The following TMEM68 variants were observed in gnomAD, a reference collection of about 807,000 sequenced individuals.
TMEM68 encodes transmembrane protein 68.
Under a neutral mutation model 36.9 loss-of-function variants are expected in TMEM68, and 25 were observed. The observed-to-expected ratio is 0.68, with a 90% CI of 0.49 to 0.95. The LOEUF is 0.95. TMEM68 is among the 40% of genes least tolerant of loss of function. The probability of loss-of-function intolerance (pLI) is 0.00; values close to 1 mark genes in which losing one functional copy is unlikely to be tolerated. For missense variants in TMEM68, 333 were observed against 392.0 expected (o/e 0.85, Z 1.27); for synonymous variants, 131 against 124.4 (o/e 1.05, Z -0.35).
At chr8:55,770,118 T>C (rs1189625101) in intron 1 of TMEM68, among the ~76,000 whole-genome samples, 1 of 152,160 alleles carries the variant, frequency 6.6e-6, no homozygotes, top group African/African-American at 2.4e-5. Flanking sequence ...ACAAAAAAAG[T>C]AAACACAGAA....
intron 7 of TMEM68, 99 bp downstream of exon 7, chr8:55,743,382 G>A (rs2129906499): frequency 2.2e-6 from 3 of 1,391,382 alleles, no homozygotes; most frequent in East Asian, 2.5e-5. Flanking sequence ...CACTGACCTA[G>A]ACATGCTTGT....
At position 55,763,090 on chromosome 8, in the gene TMEM68, C is replaced by G. The variant is rs1244522888; in HGVS notation, c.-69-62G>C. The G allele has an allele frequency of 8.1e-6, 8 of 991,480 alleles. No individual in the cohort carries two copies. The African/African-American group carries it at 1.3e-4, about 16-fold the overall frequency. The allele number at this position is 991,480 out of a possible 1,614,324, so 61.4% of individuals were successfully genotyped here. On this transcript the variant is annotated intron_variant, in intron 2 of 7. Transcript: ENST00000434581. The stretch of plus-strand genomic sequence containing the variant: ...CAGCTATAAAGTTAAATGTTTTACT[C>G]TACTTAAATAGCATATAGAGTCATT...
intron 5 of TMEM68, 46 bp from the exon 6 acceptor site, chr8:55,745,167 A>G: frequency 7.6e-7 from 1 of 1,308,032 alleles, no homozygotes; most frequent in Non-Finnish European, 1.0e-6. Flanking sequence ...AAATTAATCC[A>G]TTCAATGTCT....
chr8:55,763,015 C>G lies in TMEM68; in HGVS notation c.-56G>C, dbSNP rs1810848643. The G allele has an allele frequency of 6.6e-7, 1 of 1,516,460 alleles. No homozygotes were observed. Among genetic ancestry groups the G allele is most frequent in the Non-Finnish European group, 8.8e-7 (1 of 1,136,420 alleles). The allele number at this position is 1,516,460 out of a possible 1,614,324, so 93.9% of individuals were successfully genotyped here. A position where few individuals can be genotyped will look rare whatever the true frequency, so the allele number is the denominator to read the frequency against. ...TTCTTTCTTCATTGCCATAGCAGGT[C>G]GCTAATTTTGACACTAGAAGGGAAA... On this transcript the variant is annotated 5_prime_UTR_variant, in exon 3 of 8. Transcript: ENST00000434581.
At chr8:55,770,650 C>T (rs1234799541) in intron 1 of TMEM68, among the ~76,000 whole-genome samples, 1 of 151,804 alleles carries the variant, frequency 6.6e-6, no homozygotes, top group Non-Finnish European at 1.5e-5. Context: ...ATACTCCAGC[C>T]TGGGCAACTG....
intron 1 of TMEM68, among the ~76,000 whole-genome samples, chr8:55,766,598 G>A (rs1333256264): frequency 2.0e-5 from 3 of 151,908 alleles, no homozygotes; most frequent in Admixed American, 6.6e-5. Context: ...GGATGGTCTC[G>A]ATCTCCTGAA....
At position 55,751,031 on chromosome 8, in the gene TMEM68, T is replaced by C. The variant is rs1464783899; in HGVS notation, c.620A>G (p.Asp207Gly). ...ACCCCATACGATGTTATAAGTTTCA[T>C]CACTAATTAGGGCTTCTCGAACTCC... ...PGGVREALISDETYNIVWGHR... is the reference protein window; with the variant it reads ...PGGVREALISGETYNIVWGHR... Residue 207 changes from aspartate to glycine, a missense_variant, in exon 5 of 8, where the codon GAT becomes GGT. Transcript: ENST00000434581. The C allele has an allele frequency of 6.2e-7, 1 of 1,614,022 alleles. No individual in the cohort carries two copies. Among genetic ancestry groups the C allele is most frequent in the Middle Eastern group, 1.6e-4 (1 of 6,062 alleles).
chr8:55,755,042 T>C (rs1810561626), intron 4 of TMEM68, among the ~76,000 whole-genome samples: 2 of 149,158 alleles, frequency 1.3e-5, no homozygotes, highest in Non-Finnish European at 3.0e-5. Context: ...CTCGCACTTG[T>C]AATCCCAAAA....
Position 55,751,170 on chromosome 8 carries a change from T to C in TMEM68, c.494-13A>G, listed in dbSNP as rs1810418944. The C allele has an allele frequency of 1.3e-6, 2 of 1,579,478 alleles. No individual in the cohort carries two copies. The highest frequency in any genetic ancestry group is 1.4e-5 in the African/African-American group (1 of 72,922). ...AATAAACTAAACCCTGTAAGAAACA[T>C]GAGTATGAAGTTACAACATAAGTAT... On this transcript the variant is annotated splice_polypyrimidine_tract_variant and intron_variant, in intron 4 of 7. Coordinates refer to ENST00000434581, the MANE Select transcript of TMEM68 (RefSeq NM_001286657.2).
Position 55,740,236 on chromosome 8 carries a change from GA to G in TMEM68, c.889-19del, listed in dbSNP as rs753452074. On this transcript the variant is annotated intron_variant, in intron 7 of 7. Transcript: ENST00000434581. Reference sequence around the variant, plus strand: ...TTCTTCGTCTATTAAGAAAACAAAAGAAAAGCTATTGTTAGTAGATCTTAAT... The same window carrying G: ...TTCTTCGTCTATTAAGAAAACAAAAGAAAGCTATTGTTAGTAGATCTTAAT... The G allele has an allele frequency of 6.3e-7, 1 of 1,594,508 alleles. No homozygotes were observed. The highest frequency in any genetic ancestry group is 8.6e-7 in the Non-Finnish European group (1 of 1,165,024).
intron 3 of TMEM68, chr8:55,762,208 G>A: frequency 6.2e-6 from 1 of 160,130 alleles, no homozygotes; most frequent in Non-Finnish European, 1.4e-5. Flanking sequence ...CATAAATTTT[G>A]GTATGCAAAT....
At position 55,743,590 on chromosome 8, in the gene TMEM68, C is replaced by T. The variant is rs528058145; in HGVS notation, c.779G>A (p.Arg260His). The change falls in exon 7 of 8, where the codon CGC (arginine) becomes CAC (histidine). Residue 260 changes from arginine (R) to histidine (H), a missense_variant. Coordinates refer to ENST00000434581, the MANE Select transcript of TMEM68 (RefSeq NM_001286657.2). ...TCCATACATTGGAGCAAATGGATAG[C>T]GGAATTTTTCATAAAGCCACCTAAA... ...RLFRWLYEKF[R>H]YPFAPMYGGF... 1.2e-5 allele frequency: 18 copies of T among 1,535,008 alleles called. No individual in the cohort carries two copies. In the Admixed American group the frequency reaches 1.2e-4, roughly 10 times the overall value.
intron 4 of TMEM68, among the ~76,000 whole-genome samples, chr8:55,752,619 C>A (rs1227716125): frequency 6.6e-6 from 1 of 151,862 alleles, no homozygotes; most frequent in East Asian, 1.9e-4. Context: ...TAATTGTCAC[C>A]CCACATTATA....
intron 3 of TMEM68, among the ~76,000 whole-genome samples, chr8:55,757,240 G>A (rs6474016): frequency 0.84 from 128,061 of 152,120 alleles, 54,282 homozygotes; most frequent in East Asian, 0.99. Context: ...AAGGCAACCA[G>A]GCGAACTGAA....
intron 4 of TMEM68, among the ~76,000 whole-genome samples, chr8:55,752,365 C>T (rs967310427): frequency 6.6e-6 from 1 of 151,576 alleles, no homozygotes; most frequent in African/African-American, 2.4e-5. Flanking sequence ...AGCGGGCAGA[C>T]CACCTGAGGT....
intron 4 of TMEM68, 102 bp downstream of exon 4, chr8:55,756,142 A>T: frequency 1.0e-6 from 1 of 1,003,226 alleles, no homozygotes; most frequent in Non-Finnish European, 1.4e-6. Flanking sequence ...AAAGGCAAAA[A>T]GCTTTTTCAA....
chr8:55,769,340 A>AAAAAAC (rs1811080336), intron 1 of TMEM68, among the ~76,000 whole-genome samples: 1 of 150,626 alleles, frequency 6.6e-6, no homozygotes, highest in South Asian at 2.1e-4. Flanking sequence ...AAAAAAAAAA[A>AAAAAAC]AGATAGGAGA....
At chr8:55,752,104 A>G (rs551630224) in intron 4 of TMEM68, among the ~76,000 whole-genome samples, 2 of 152,128 alleles carry the variant, frequency 1.3e-5, no homozygotes, top group Admixed American at 6.5e-5. Context: ...GCTACTCAGG[A>G]GGCTGGGGCA....
chr8:55,753,019 T>C (rs182436855), intron 4 of TMEM68, among the ~76,000 whole-genome samples: 2 of 152,172 alleles, frequency 1.3e-5, no homozygotes, highest in East Asian at 3.9e-4. Context: ...GTGTGAGCCA[T>C]GGCACCCACC....
Sources: allele counts gnomAD v4.1 joint callset (sites outside exome capture counted in the v4.1 genomes callset), GRCh38; gene constraint gnomAD v4.1.1; transcripts MANE v1.5; gene names NCBI Gene and HGNC (gene_info 2026-07-23, HGNC 2026-07-21).